The following TTLL7 variants were observed in gnomAD, a reference collection of about 807,000 sequenced individuals.
TTLL7 encodes the protein tubulin polyglutamylase TTLL7.
A neutral mutation model predicts 120.2 loss-of-function variants in TTLL7; 53 were observed. The observed-to-expected ratio is 0.44, with a 90% CI of 0.35 to 0.55. The LOEUF is 0.55. Among genes scored for constraint, TTLL7 ranks in the 20% least tolerant of loss-of-function variants. The pLI is 0.00. For synonymous variants in TTLL7, 353 were observed against 351.7 expected (o/e 1.00, Z -0.04); for missense variants, 803 against 1,054.7 (o/e 0.76, Z 3.31).
At chr1:83,994,513 GCA>G (rs1217774856) in intron 1 of TTLL7, among the ~76,000 whole-genome samples, 1 of 152,198 alleles carries the variant, frequency 6.6e-6, no homozygotes, top group African/African-American at 2.4e-5. Context: ...GGAAACTGAA[GCA>G]CAGTCTCTCT....
chr1:83,925,900 C>T (rs976247622), intron 10 of TTLL7, among the ~76,000 whole-genome samples: 1 of 151,970 alleles, frequency 6.6e-6, no homozygotes, highest in Non-Finnish European at 1.5e-5. Flanking sequence ...GGCGGTGGAT[C>T]ACCTGAGGTC....
At chr1:83,914,179 C>T (rs1657905246) in intron 14 of TTLL7, among the ~76,000 whole-genome samples, 1 of 152,118 alleles carries the variant, frequency 6.6e-6, no homozygotes, top group African/African-American at 2.4e-5. Flanking sequence ...CCAGGCTCAC[C>T]TGTATCATTT....
chr1:83,921,038 C>T (rs1254421033), intron 12 of TTLL7, 49 bp downstream of exon 12: 11 of 1,538,564 alleles, frequency 7.1e-6, no homozygotes, highest in Non-Finnish European at 9.7e-6. Flanking sequence ...AGAATCATTG[C>T]TTTGATACTT....
At chr1:83,919,624 C>A in intron 13 of TTLL7, 75 bp downstream of exon 13, 1 of 1,334,028 alleles carries the variant, frequency 7.5e-7, no homozygotes, top group South Asian at 1.7e-5. Flanking sequence ...ATATGTCGGA[C>A]CAAGGTGGCT....
At chr1:83,892,391 C>T (rs111205057) in intron 18 of TTLL7, among the ~76,000 whole-genome samples, 10 of 18,810 alleles carry the variant, frequency 5.3e-4, no homozygotes, top group African/African-American at 2.2e-3. Flanking sequence ...AATATATATA[C>T]GAATATATAT....
intron 18 of TTLL7, among the ~76,000 whole-genome samples, chr1:83,892,816 G>GCATATGTGAACATATATATGAACA (rs1557569105): frequency 1.3e-5 from 2 of 151,018 alleles, no homozygotes; most frequent in Non-Finnish European, 3.0e-5. Flanking sequence ...ATATATGAAC[G>GCATATGTGAACATATATATGAACA]CATATGTGAA....
intron 1 of TTLL7, among the ~76,000 whole-genome samples, chr1:83,952,901 A>T (rs1036603321): frequency 6.6e-6 from 1 of 152,202 alleles, no homozygotes; most frequent in Non-Finnish European, 1.5e-5. Flanking sequence ...ACAACCTTCA[A>T]CCCAATGCCT....
At chr1:83,892,909 A>G (rs560426241) in intron 18 of TTLL7, among the ~76,000 whole-genome samples, 7 of 117,208 alleles carry the variant, frequency 6.0e-5, no homozygotes, top group African/African-American at 3.2e-4. Flanking sequence ...AAGAAGGAAA[A>G]AGAAAAAAGA....
In TTLL7 at chr1:83,952,292, G is replaced by A; in HGVS notation, c.-81C>T. 6.9e-7 allele frequency: 1 copy of A among 1,453,192 alleles called. No homozygotes were observed. Among genetic ancestry groups the A allele is most frequent in the African/African-American group, 1.4e-5 (1 of 71,614 alleles). The allele number at this position is 1,453,192 out of a possible 1,614,324, so 90.0% of individuals were successfully genotyped here. A position where few individuals can be genotyped will look rare whatever the true frequency, so the allele number is the denominator to read the frequency against. On this transcript the variant is annotated 5_prime_UTR_variant, in exon 2 of 21. Transcript: ENST00000260505. ...ATCTGGAAATTCCACATTAGTCTAA[G>A]TAGGATATGGCCCCAAATCACTGAA... is the stretch of plus-strand genomic sequence containing the variant.
chr1:83,972,919 T>G (rs960317494), intron 1 of TTLL7, among the ~76,000 whole-genome samples: 3 of 152,066 alleles, frequency 2.0e-5, no homozygotes, highest in African/African-American at 7.2e-5. Context: ...TTTGAGTTGT[T>G]TGTTTTCTTA....
chr1:83,991,128 G>A (rs1217083895), intron 1 of TTLL7, among the ~76,000 whole-genome samples: 1 of 152,106 alleles, frequency 6.6e-6, no homozygotes, highest in Admixed American at 6.5e-5. Flanking sequence ...GCTTGTATGA[G>A]GTATCTAAAG....
At chr1:83,948,368 A>G (rs1648715421) in intron 5 of TTLL7, among the ~76,000 whole-genome samples, 1 of 152,212 alleles carries the variant, frequency 6.6e-6, no homozygotes, top group African/African-American at 2.4e-5. Flanking sequence ...GAGATTCTGG[A>G]GACTGATTCT....
At chr1:83,969,518 T>C (rs1650783186) in intron 1 of TTLL7, among the ~76,000 whole-genome samples, 1 of 151,968 alleles carries the variant, frequency 6.6e-6, no homozygotes, top group Admixed American at 6.6e-5. Context: ...AGGTGGCCTA[T>C]AATGTTTGTC....
At chr1:83,915,197 C>T (rs12142944) in intron 14 of TTLL7, among the ~76,000 whole-genome samples, 6,359 of 151,864 alleles carry the variant, frequency 0.042, 156 homozygotes, top group Middle Eastern at 0.099. Flanking sequence ...CATGAAAATA[C>T]GATAGAACAA....
At chr1:83,882,683 C>A in intron 20 of TTLL7, 1 of 277,658 alleles carries the variant, frequency 3.6e-6, no homozygotes, top group Non-Finnish European at 6.7e-6. Context: ...TTTTTGGATG[C>A]TCTTGCTCTG....
intron 8 of TTLL7, among the ~76,000 whole-genome samples, chr1:83,935,489 C>A (rs776178194): frequency 1.3e-5 from 2 of 151,492 alleles, no homozygotes; most frequent in African/African-American, 4.9e-5. Flanking sequence ...TGCTTTAAAA[C>A]GTGATTTGTA....
At chr1:83,956,268 T>TTTTATTTA (rs200856042) in intron 1 of TTLL7, among the ~76,000 whole-genome samples, 64 of 150,484 alleles carry the variant, frequency 4.3e-4, no homozygotes, top group Middle Eastern at 6.8e-3. Flanking sequence ...TTATTATTAT[T>TTTTATTTA]TTTATTTATT....
intron 14 of TTLL7, chr1:83,913,042 T>C (rs1657809772): frequency 6.6e-6 from 1 of 152,162 alleles, no homozygotes; most frequent in South Asian, 2.1e-4. Flanking sequence ...TATTCGACCC[T>C]ATAAAGAATC....
chr1:83,877,155 T>C (rs913985111), intron 20 of TTLL7, among the ~76,000 whole-genome samples: 1 of 152,036 alleles, frequency 6.6e-6, no homozygotes, highest in African/African-American at 2.4e-5. Context: ...AATTACCTTT[T>C]ATGCTATTAC....
Sources: gnomAD v4.1 joint callset for allele counts (sites outside exome capture counted in the v4.1 genomes callset) on GRCh38, gnomAD v4.1.1 for gene constraint, MANE v1.5 for transcripts, NCBI Gene and HGNC (gene_info 2026-07-23, HGNC 2026-07-21) for gene names.